The following SPMAP2L variants were observed in gnomAD, a reference collection of about 807,000 sequenced individuals.
The protein encoded by SPMAP2L is sperm microtubule associated protein 2-like.
the SPMAP2L span, chr4:56,600,922 T>C: frequency 5.9e-6 from 9 of 1,528,448 alleles, no homozygotes; most frequent in Admixed American, 8.1e-5. Context: ...TGTCTCTTTG[T>C]TTCCACTATA....
At chr4:56,620,047 C>T in the SPMAP2L span, among the ~76,000 whole-genome samples, 1,785 of 152,332 alleles carry the variant, frequency 0.012, 23 homozygotes, top group South Asian at 0.031. Context: ...TGCATCTACA[C>T]TTACCTAAAC....
the SPMAP2L span, among the ~76,000 whole-genome samples, chr4:56,544,215 C>G: frequency 6.6e-6 from 1 of 152,110 alleles, no homozygotes; most frequent in Non-Finnish European, 1.5e-5. Context: ...TCTCGAACTC[C>G]TGAGCTCAAG....
the SPMAP2L span, among the ~76,000 whole-genome samples, chr4:56,584,196 GC>G: frequency 6.6e-6 from 1 of 152,004 alleles, no homozygotes; most frequent in Non-Finnish European, 1.5e-5. Context: ...CAAACTCTAG[GC>G]CTCAAGCAAT....
At chr4:56,559,580 CT>C in the SPMAP2L span, 2 of 1,403,578 alleles carry the variant, frequency 1.4e-6, no homozygotes, top group Admixed American at 2.9e-5. Context: ...TTGTTTTTTG[CT>C]TTTTGAGACA....
the SPMAP2L span, among the ~76,000 whole-genome samples, chr4:56,620,534 C>T: frequency 1.3e-5 from 2 of 152,218 alleles, no homozygotes; most frequent in East Asian, 1.9e-4. Context: ...TACAGGCATG[C>T]GCCATCATGT....
At chr4:56,609,525 G>T in the SPMAP2L span, among the ~76,000 whole-genome samples, 5 of 152,302 alleles carry the variant, frequency 3.3e-5, no homozygotes, top group African/African-American at 7.2e-5. Context: ...GGAATGAAAA[G>T]AATGTATTTT....
At chr4:56,595,238 A>T in the SPMAP2L span, 1 of 1,612,104 alleles carries the variant, frequency 6.2e-7, no homozygotes, top group South Asian at 1.1e-5. Context: ...TATGTGGGTC[A>T]TGAATTTATT....
At chr4:56,606,574 C>T in the SPMAP2L span, among the ~76,000 whole-genome samples, 3,880 of 152,210 alleles carry the variant, frequency 0.025, 152 homozygotes, top group African/African-American at 0.086. Flanking sequence ...GGCTATTCCT[C>T]TGATGCCGGA....
chr4:56,577,752 A>G, the SPMAP2L span, among the ~76,000 whole-genome samples: 1 of 152,200 alleles, frequency 6.6e-6, no homozygotes, highest in Non-Finnish European at 1.5e-5. Context: ...ACGAGAAATA[A>G]TAAAGAAAGT....
chr4:56,595,484 A>G, the SPMAP2L span: 12,108 of 1,588,192 alleles, frequency 7.6e-3, 63 homozygotes, highest in Non-Finnish European at 9.5e-3. Context: ...CCCAGGGTCA[A>G]TCCGCTGAAG....
the SPMAP2L span, among the ~76,000 whole-genome samples, chr4:56,560,569 G>C: frequency 8.5e-5 from 13 of 152,114 alleles, no homozygotes; most frequent in Admixed American, 8.5e-4. Context: ...AGGTGCTACA[G>C]GAATCTCCAA....
At chr4:56,619,011 A>T in the SPMAP2L span, among the ~76,000 whole-genome samples, 2 of 152,114 alleles carry the variant, frequency 1.3e-5, no homozygotes, top group Non-Finnish European at 2.9e-5. Context: ...CATATGGCTT[A>T]TTTGCTTTAT....
chr4:56,605,359 G>A, the SPMAP2L span, among the ~76,000 whole-genome samples: 1 of 152,058 alleles, frequency 6.6e-6, no homozygotes, highest in Non-Finnish European at 1.5e-5. Flanking sequence ...TAGCTTATTG[G>A]GAGAGATGAT....
chr4:56,556,277 G>A, the SPMAP2L span, among the ~76,000 whole-genome samples: 5 of 152,310 alleles, frequency 3.3e-5, no homozygotes, highest in East Asian at 5.8e-4. Flanking sequence ...TAAGGGTTGA[G>A]ACAAAGGTTA....
the SPMAP2L span, chr4:56,559,559 G>GT: frequency 4.2e-6 from 6 of 1,431,076 alleles, no homozygotes; most frequent in Non-Finnish European, 5.5e-6. Flanking sequence ...TTATCAGGAG[G>GT]TTTTTTGTTG....
chr4:56,583,939 T>C, the SPMAP2L span, among the ~76,000 whole-genome samples: 1 of 152,150 alleles, frequency 6.6e-6, no homozygotes, highest in Non-Finnish European at 1.5e-5. Flanking sequence ...AACACACATT[T>C]ACATATACTG....
the SPMAP2L span, among the ~76,000 whole-genome samples, chr4:56,600,097 C>CTTTTTTTTTTTTTT: frequency 1.8e-4 from 16 of 87,802 alleles, no homozygotes; most frequent in African/African-American, 7.1e-4. Context: ...TCTTTGCTTT[C>CTTTTTTTTTTTTTT]TTTTTTTTTT....
the SPMAP2L span, among the ~76,000 whole-genome samples, chr4:56,576,394 A>G: frequency 6.6e-6 from 1 of 152,204 alleles, no homozygotes; most frequent in African/African-American, 2.4e-5. Context: ...GAAGAGGTGA[A>G]AGTAAAATTA....
the SPMAP2L span, among the ~76,000 whole-genome samples, chr4:56,567,341 A>G: frequency 1.3e-5 from 2 of 150,110 alleles, no homozygotes; most frequent in African/African-American, 2.5e-5. Flanking sequence ...ATGTTGGCTC[A>G]CTGCAACTTC....
Sources: allele counts gnomAD v4.1 joint callset (sites outside exome capture counted in the v4.1 genomes callset), GRCh38; gene constraint gnomAD v4.1.1; transcripts MANE v1.5; gene names NCBI Gene and HGNC (gene_info 2026-07-23, HGNC 2026-07-21).